Variants in TENM1 observed in about 807,000 individuals in gnomAD.
The protein encoded by TENM1 is teneurin transmembrane protein 1.
A neutral mutation model predicts 174.8 loss-of-function variants in TENM1; 35 were observed. The observed-to-expected ratio is 0.20, with a 90% CI of 0.15 to 0.27. The LOEUF (loss-of-function observed/expected upper bound fraction) is 0.27, where lower values mean the gene tolerates loss of function less well. Ranked by LOEUF, TENM1 falls within the 10% of genes least tolerant of loss-of-function variation. The pLI is 1.00. For synonymous variants in TENM1, 781 were observed against 798.7 expected (o/e 0.98, Z 0.37); for missense variants, 1,633 against 2,130.1 (o/e 0.77, Z 4.59).
At chrX:125,153,405 C>T in the TENM1 span, among the ~76,000 whole-genome samples, 1 of 112,400 alleles carries the variant, frequency 8.9e-6, no homozygotes, top group Non-Finnish European at 1.9e-5. Flanking sequence ...TTAAATTCCT[C>T]AGGCAATACT....
intron 11 of TENM1, among the ~76,000 whole-genome samples, chrX:124,572,896 T>C (rs186013994): frequency 6.1e-4 from 68 of 111,744 alleles, no homozygotes; most frequent in African/African-American, 2.1e-3. Flanking sequence ...ACTGTGTTCA[T>C]GGCTCACAAG....
chrX:125,163,578 A>C, the TENM1 span, among the ~76,000 whole-genome samples: 1 of 111,196 alleles, frequency 9.0e-6, no homozygotes, highest in Non-Finnish European at 1.9e-5. Context: ...TCAGCCTGAT[A>C]CTAACTCTTC....
chrX:124,618,985 G>A (rs2050456541), intron 11 of TENM1, among the ~76,000 whole-genome samples: 1 of 111,430 alleles, frequency 9.0e-6, no homozygotes, highest in South Asian at 3.8e-4. Context: ...CAGGAGGCTG[G>A]GGCAGGATGT....
intron 1 of TENM1, among the ~76,000 whole-genome samples, chrX:124,905,601 T>A (rs2057735503): frequency 9.0e-6 from 1 of 111,585 alleles, no homozygotes; most frequent in Non-Finnish European, 1.9e-5. Context: ...ACAAATTAGG[T>A]AAACCCTGTA....
chrX:124,918,248 C>T lies in TENM1; in HGVS notation c.218-22007G>A, dbSNP rs145594912. ...AGGCTAGAGTGCAGTGGCATGATCT[C>T]GACTCATTGCAATCTCCGCCTCCCA... On this transcript the variant is annotated intron_variant, in intron 1 of 31. Coordinates refer to ENST00000422452, the Ensembl canonical transcript of TENM1. 6.7e-4 allele frequency among the ~76,000 whole-genome samples: 73 copies of T among 108,577 alleles called. 1 individual carries two copies. In the East Asian group the frequency reaches 0.015, roughly 22 times the overall value. 94.3% of individuals were successfully genotyped at this position (108,577 alleles called of 115,157 possible).
chrX:124,903,298 G>A (rs1406906378), intron 1 of TENM1, among the ~76,000 whole-genome samples: 1 of 111,560 alleles, frequency 9.0e-6, no homozygotes, highest in Non-Finnish European at 1.9e-5. Context: ...ACCAATATTA[G>A]CTAACTGGAG....
At chrX:125,008,501 A>T in the TENM1 span, among the ~76,000 whole-genome samples, 1 of 112,286 alleles carries the variant, frequency 8.9e-6, no homozygotes, top group Admixed American at 9.4e-5. Flanking sequence ...AAGGATATTC[A>T]GGACTTGAAC....
chrX:124,817,996 C>A (rs2055944521), intron 3 of TENM1, among the ~76,000 whole-genome samples: 1 of 110,671 alleles, frequency 9.0e-6, no homozygotes, highest in African/African-American at 3.3e-5. Flanking sequence ...TCCTAAAATT[C>A]AAGAATGTCT....
At chrX:124,899,107 C>T (rs1371202577) in intron 1 of TENM1, among the ~76,000 whole-genome samples, 2 of 111,699 alleles carry the variant, frequency 1.8e-5, no homozygotes, top group South Asian at 7.6e-4. Flanking sequence ...AATACACAAA[C>T]GTCTTGGTGG....
chrX:125,021,444 G>A, the TENM1 span, among the ~76,000 whole-genome samples: 4 of 111,355 alleles, frequency 3.6e-5, no homozygotes, highest in Non-Finnish European at 7.5e-5. Context: ...AGGCCCACAA[G>A]CAAATAGCTC....
intron 14 of TENM1, among the ~76,000 whole-genome samples, chrX:124,557,200 A>G (rs1387089728): frequency 9.0e-6 from 1 of 111,566 alleles, no homozygotes; most frequent in African/African-American, 3.3e-5. Flanking sequence ...TTGAGATGTG[A>G]CTAGTGCAGT....
At chrX:124,522,068 C>T (rs968043663) in intron 17 of TENM1, among the ~76,000 whole-genome samples, 1 of 111,680 alleles carries the variant, frequency 9.0e-6, no homozygotes, top group Non-Finnish European at 1.9e-5. Flanking sequence ...GAAAGAAGAC[C>T]CGTACTTCCT....
At chrX:124,971,193 G>A in the TENM1 span, among the ~76,000 whole-genome samples, 2 of 106,691 alleles carry the variant, frequency 1.9e-5, no homozygotes, top group African/African-American at 3.4e-5. Flanking sequence ...GTAAATGACG[G>A]GTTAATGGGT....
At chrX:124,632,479 T>C (rs748307114) in intron 11 of TENM1, among the ~76,000 whole-genome samples, 1 of 111,540 alleles carries the variant, frequency 9.0e-6, no homozygotes, top group South Asian at 3.8e-4. Flanking sequence ...AGAGTCTCTA[T>C]GAGCCTGACC....
chrX:124,631,797 G>A (rs760731306), intron 11 of TENM1, among the ~76,000 whole-genome samples: 1 of 106,297 alleles, frequency 9.4e-6, no homozygotes, highest in East Asian at 3.0e-4. Context: ...CTACTTGGGA[G>A]GCTGAGGCAG....
At chrX:124,877,671 C>T (rs1315731894) in intron 3 of TENM1, among the ~76,000 whole-genome samples, 1 of 111,172 alleles carries the variant, frequency 9.0e-6, no homozygotes, top group Non-Finnish European at 1.9e-5. Context: ...CATAGAACTT[C>T]TTGGAACTGA....
At chrX:124,518,760 G>A (rs1320979472) in intron 18 of TENM1, among the ~76,000 whole-genome samples, 1 of 111,554 alleles carries the variant, frequency 9.0e-6, no homozygotes, top group Non-Finnish European at 1.9e-5. Context: ...CACACAGCTC[G>A]TAAGTAGAGA....
intron 3 of TENM1, among the ~76,000 whole-genome samples, chrX:124,749,965 G>A (rs1428648717): frequency 8.9e-6 from 1 of 111,807 alleles, no homozygotes; most frequent in Non-Finnish European, 1.9e-5. Flanking sequence ...TTCAGTTAAT[G>A]TTAGTTACTA....
At chrX:124,409,578 C>A (rs866446911) in intron 25 of TENM1, among the ~76,000 whole-genome samples, 1 of 110,924 alleles carries the variant, frequency 9.0e-6, no homozygotes, top group Non-Finnish European at 1.9e-5. Flanking sequence ...AAGAGGAAGT[C>A]AAATTGTCCC....
Sources: allele counts gnomAD v4.1 joint callset (sites outside exome capture counted in the v4.1 genomes callset), GRCh38; gene constraint gnomAD v4.1.1; transcripts MANE v1.5; gene names NCBI Gene and HGNC (gene_info 2026-07-23, HGNC 2026-07-21).